The following SNX13 variants were observed in gnomAD, a reference collection of about 807,000 sequenced individuals.
The protein encoded by SNX13 is sorting nexin-13.
Under a neutral mutation model 133.6 loss-of-function variants are expected in SNX13, and 45 were observed. That is an observed-to-expected ratio of 0.34 (90% CI 0.27 to 0.43). SNX13 has a LOEUF of 0.43. Among genes scored for constraint, SNX13 ranks in the 20% least tolerant of loss-of-function variants. SNX13 has a pLI of 1.00. For missense variants in SNX13, 1,032 were observed against 1,145.1 expected, an observed-to-expected ratio of 0.90 and a Z score of 1.43; for synonymous variants, 414 against 373.9, an observed-to-expected ratio of 1.11 and a Z score of -1.24.
chr7:17,912,545 G>C (rs2691567), intron 1 of SNX13, among the ~76,000 whole-genome samples: 66,925 of 151,616 alleles, frequency 0.44, 15,187 homozygotes, highest in South Asian at 0.66. Context: ...TGAGTAGCTG[G>C]GATTACAGGC....
intron 1 of SNX13, among the ~76,000 whole-genome samples, chr7:17,909,023 T>A (rs1402291294): frequency 6.6e-6 from 1 of 152,118 alleles, no homozygotes; most frequent in Non-Finnish European, 1.5e-5. Context: ...CGATGTTCTG[T>A]GTGTTAAAAG....
At chr7:17,868,143 G>C in intron 9 of SNX13, 1 of 349,542 alleles carries the variant, frequency 2.9e-6, no homozygotes, top group Non-Finnish European at 5.2e-6. Flanking sequence ...ATAGACACAG[G>C]TAGTAAAATA....
rs1797319701 is a variant in SNX13, at chr7:17,897,363, C to G, written c.96G>C (p.Leu32Phe). The G allele has an allele frequency of 2.5e-6, 4 of 1,585,704 alleles. No individual in the cohort carries two copies. The highest frequency in any genetic ancestry group is 3.4e-6 in the Non-Finnish European group (4 of 1,165,168). ...ITFGPFVIFY[L>F]TFYILCFVGG... ...CCACAAAGCAGAGGATATAAAATGT[C>G]AAATAAAATATTACAAAGGGTCCAA... is the stretch of plus-strand genomic sequence containing the variant. Residue 32 changes from leucine (L) to phenylalanine (F), a missense_variant, in exon 2 of 26, where the codon TTG becomes TTC. By Grantham distance (22) the Leu-to-Phe change is conservative (BLOSUM62 0). Coordinates refer to ENST00000428135, the MANE Select transcript of SNX13 (RefSeq NM_015132.5).
intron 1 of SNX13, among the ~76,000 whole-genome samples, chr7:17,937,506 T>A (rs1583863921): frequency 2.5e-5 from 2 of 81,426 alleles, no homozygotes; most frequent in South Asian, 1.1e-3. Flanking sequence ...AGGGCAAGAC[T>A]CCGTCTCAAA....
intron 7 of SNX13, 145 bp downstream of exon 7, chr7:17,875,335 T>A: frequency 3.2e-5 from 19 of 598,744 alleles, no homozygotes; most frequent in South Asian, 5.2e-5. Flanking sequence ...CTTTTAAGAG[T>A]TACAAAATAA....
At chr7:17,810,594 C>T (rs754599308) in intron 20 of SNX13, among the ~76,000 whole-genome samples, 3 of 152,180 alleles carry the variant, frequency 2.0e-5, no homozygotes, top group Non-Finnish European at 2.9e-5. Context: ...TGGTACCGTT[C>T]CTTCTGAAAC....
At chr7:17,907,869 T>C (rs886467594) in intron 1 of SNX13, among the ~76,000 whole-genome samples, 3 of 152,230 alleles carry the variant, frequency 2.0e-5, no homozygotes, top group South Asian at 2.1e-4. Context: ...TACCTTCTTA[T>C]AGTCTTACTA....
At chr7:17,844,380 G>A (rs959754111) in intron 12 of SNX13, among the ~76,000 whole-genome samples, 3 of 151,976 alleles carry the variant, frequency 2.0e-5, no homozygotes, top group Middle Eastern at 3.2e-3. Flanking sequence ...TGAGGAGACT[G>A]ATAACGTAGT....
Position 17,922,653 on chromosome 7 carries a change from C to G in SNX13, c.12+17631G>C, listed in dbSNP as rs1410342629. On this transcript the variant is annotated intron_variant, in intron 1 of 25. Transcript: ENST00000428135. ...CATAACATTTATGTTCAGCTTGACC[C>G]TGGTTTCTGTATCCAGTCAATTCAC... 7.9e-5 allele frequency among the ~76,000 whole-genome samples: 12 copies of G among 152,036 alleles called. No homozygotes were observed. In the East Asian group the frequency reaches 2.3e-3, roughly 29 times the overall value.
At chr7:17,848,369 G>A (rs77521276) in intron 11 of SNX13, among the ~76,000 whole-genome samples, 14 of 152,020 alleles carry the variant, frequency 9.2e-5, no homozygotes, top group Non-Finnish European at 1.8e-4. Context: ...CCTGGACGCC[G>A]AGTAAGAGCT....
chr7:17,798,161 C>G (rs1194577698), intron 24 of SNX13, among the ~76,000 whole-genome samples: 1 of 151,808 alleles, frequency 6.6e-6, no homozygotes, highest in Non-Finnish European at 1.5e-5. Context: ...TGCATCTTAT[C>G]TCAGCAATGG....
intron 1 of SNX13, among the ~76,000 whole-genome samples, chr7:17,918,431 A>G (rs1388234686): frequency 8.7e-6 from 1 of 115,156 alleles, no homozygotes; most frequent in Non-Finnish European, 2.0e-5. Context: ...AGATGAATCA[A>G]CAAGAAAAAA....
At chr7:17,868,111 C>A (rs1456942853) in intron 9 of SNX13, among the ~76,000 whole-genome samples, 2 of 151,906 alleles carry the variant, frequency 1.3e-5, no homozygotes, top group Non-Finnish European at 2.9e-5. Context: ...CAAATAGTAG[C>A]CATTAAAAAT....
At chr7:17,831,623 A>G in intron 15 of SNX13, 1 of 984,332 alleles carries the variant, frequency 1.0e-6, no homozygotes, top group South Asian at 4.7e-5. Context: ...CTTTAATTTT[A>G]GGCTCAAATG....
At chr7:17,897,510 C>G (rs1168355470) in intron 1 of SNX13, 64 bp from the exon 2 acceptor site, 13 of 942,942 alleles carry the variant, frequency 1.4e-5, no homozygotes, top group Non-Finnish European at 1.9e-5. Context: ...AGAAAAGAAC[C>G]AACAAAACTT....
At chr7:17,797,001 A>G in intron 24 of SNX13, 62 bp from the exon 25 acceptor site, 1 of 1,234,498 alleles carries the variant, frequency 8.1e-7, no homozygotes, top group Admixed American at 1.9e-5. Flanking sequence ...ACAAGTTGAT[A>G]AAATTATTTC....
intron 9 of SNX13, among the ~76,000 whole-genome samples, chr7:17,862,405 T>G (rs965791449): frequency 2.6e-5 from 4 of 152,178 alleles, no homozygotes; most frequent in African/African-American, 7.2e-5. Flanking sequence ...AACATACTAT[T>G]TTATTACATA....
intron 20 of SNX13, among the ~76,000 whole-genome samples, chr7:17,803,914 G>A (rs1319434987): frequency 6.7e-6 from 1 of 148,762 alleles, no homozygotes; most frequent in Non-Finnish European, 1.5e-5. Flanking sequence ...CAGGTATATT[G>A]GTAATGTTGG....
At chr7:17,890,564 G>A (rs368300255) in intron 4 of SNX13, 80 bp from the exon 5 acceptor site, 19 of 1,027,384 alleles carry the variant, frequency 1.8e-5, no homozygotes, top group Middle Eastern at 6.1e-4. Flanking sequence ...AAAGTATGCT[G>A]TATCTACCAA....
Sources: gnomAD v4.1 joint callset for allele counts (sites outside exome capture counted in the v4.1 genomes callset) on GRCh38, gnomAD v4.1.1 for gene constraint, MANE v1.5 for transcripts, NCBI Gene and HGNC (gene_info 2026-07-23, HGNC 2026-07-21) for gene names.